Variants in PDIA6 observed in about 807,000 individuals in gnomAD.
PDIA6 encodes the protein protein disulfide isomerase family A member 6, also known as protein disulfide-isomerase A6.
PDIA6 carries 29 observed loss-of-function variants against 58.4 expected under a neutral mutation model. The ratio of observed to expected loss-of-function variants is 0.50; its 90% confidence interval spans 0.37 to 0.68. The LOEUF (loss-of-function observed/expected upper bound fraction) is 0.68, where lower values mean the gene tolerates loss of function less well. Among genes scored for constraint, PDIA6 ranks in the 30% least tolerant of loss-of-function variants. PDIA6 has a pLI of 0.00. For synonymous variants in PDIA6, 192 were observed against 202.6 expected (o/e 0.95, Z 0.44); for missense variants, 480 against 551.0 (o/e 0.87, Z 1.29).
chr2:10,813,002 C>T (rs1667076300), upstream of PDIA6, among the ~76,000 whole-genome samples: 1 of 151,964 alleles, frequency 6.6e-6, no homozygotes, highest in Non-Finnish European at 1.5e-5. Flanking sequence ...GGCTGGCAGT[C>T]TCGGCTCGCA....
chr2:10,820,278 G>C (rs1481932576), intron 1 of PDIA6, among the ~76,000 whole-genome samples: 1 of 152,158 alleles, frequency 6.6e-6, no homozygotes, highest in Non-Finnish European at 1.5e-5. Context: ...TGAGTCGCTG[G>C]GGAGGTGGTG....
chr2:10,797,172 C>A lies in PDIA6; in HGVS notation c.255G>T (p.Lys85Asn). The change falls in exon 4 of 13, where the codon AAG (lysine) becomes AAT (asparagine). Residue 85 changes from lysine (K) to asparagine (N), a missense_variant. Coordinates refer to ENST00000272227, the MANE Select transcript of PDIA6 (RefSeq NM_005742.4). ...CATACTGACCTCCTAGGGAATGATG[C>A]TTATCTGCATCAACTGCACCAACTT... ...VVKVGAVDADKHHSLGGQYGV... is the reference protein window; with the variant it reads ...VVKVGAVDADNHHSLGGQYGV... 1 of 1,612,094 alleles carries A rather than the reference C, an allele frequency of 6.2e-7. No homozygotes were observed. Among genetic ancestry groups the A allele is most frequent in the Non-Finnish European group, 8.5e-7 (1 of 1,179,074 alleles).
chr2:10,803,857 C>G (rs1666615214), intron 1 of PDIA6, among the ~76,000 whole-genome samples: 1 of 151,530 alleles, frequency 6.6e-6, no homozygotes. Context: ...GCCTTGATAA[C>G]TCTGACCCTG....
intron 1 of PDIA6, chr2:10,837,495 T>C: frequency 1.4e-6 from 1 of 702,628 alleles, no homozygotes; most frequent in Non-Finnish European, 2.6e-6. Flanking sequence ...CAGATGGTGA[T>C]TTAAGGAGCA....
upstream of PDIA6, among the ~76,000 whole-genome samples, chr2:10,817,298 G>A (rs997087902): frequency 2.0e-5 from 3 of 152,196 alleles, no homozygotes; most frequent in Admixed American, 6.5e-5. Flanking sequence ...TGATGGTGAC[G>A]CTGTTACAAC....
At chr2:10,833,365 G>A (rs919108486), upstream of PDIA6, among the ~76,000 whole-genome samples, 3 of 152,164 alleles carry the variant, frequency 2.0e-5, no homozygotes, top group Non-Finnish European at 4.4e-5. Flanking sequence ...CGATCAGCAG[G>A]CCTGGGAGGC....
chr2:10,784,286 A>T lies in PDIA6; in HGVS notation c.1295T>A (p.Leu432His). The T allele has an allele frequency of 6.2e-7, 1 of 1,613,454 alleles. No individual in the cohort carries two copies. The highest frequency in any genetic ancestry group is 1.1e-5 in the South Asian group (1 of 90,944). Residue 432 changes from leucine (L) to histidine (H), a missense_variant, in exon 13 of 13, where the codon CTT becomes CAT. Leu to His is a moderately conservative substitution (Grantham distance 99). Transcript: ENST00000272227. ...EDDIDLSDVELDDLGKDEL is the reference protein window; with the variant it reads ...EDDIDLSDVEHDDLGKDEL Reference sequence around the variant, plus strand: ...CAACTCATCTTTCCCTAAGTCATCAAGCTCCACATCACTGAGGTCAATGTC... The same window carrying T: ...CAACTCATCTTTCCCTAAGTCATCATGCTCCACATCACTGAGGTCAATGTC...
intron 1 of PDIA6, among the ~76,000 whole-genome samples, chr2:10,819,525 G>C (rs1423811547): frequency 6.6e-6 from 1 of 152,216 alleles, no homozygotes; most frequent in Admixed American, 6.5e-5. Flanking sequence ...AAAAAGCACA[G>C]ACTGTTATAA....
intron 1 of PDIA6, among the ~76,000 whole-genome samples, chr2:10,825,150 G>A (rs1667514861): frequency 6.6e-6 from 1 of 152,166 alleles, no homozygotes; most frequent in Admixed American, 6.5e-5. Flanking sequence ...AAGTTCTTCA[G>A]TTTTGGGACT....
rs1665946349 is a variant in PDIA6, at chr2:10,789,757, G to A, written c.832C>T (p.Leu278=). ...LFSDNAPPPE[L]LEIINEDIAK... is the part of the protein sequence containing the mutation. ...CAGTTGAAGTGGTTTACCTCAAGCA[G>A]CTCAGGAGGTGGGGCGTTATCAGAA... The change falls in exon 8 of 13, where the codon CTG becomes TTG. Residue 278 remains leucine, a synonymous_variant. Coordinates refer to ENST00000272227, the MANE Select transcript of PDIA6 (RefSeq NM_005742.4). 1.2e-6 allele frequency: 2 copies of A among 1,613,662 alleles called. No individual in the cohort carries two copies. The highest frequency in any genetic ancestry group is 2.2e-5 in the South Asian group (2 of 91,044).
At chr2:10,826,018 A>G (rs1667546563) in intron 1 of PDIA6, among the ~76,000 whole-genome samples, 1 of 152,256 alleles carries the variant, frequency 6.6e-6, no homozygotes, top group African/African-American at 2.4e-5. Context: ...AAACACATAC[A>G]GGTATGTTTT....
chr2:10,825,483 G>A (rs1416137922), intron 1 of PDIA6, among the ~76,000 whole-genome samples: 1 of 152,132 alleles, frequency 6.6e-6, no homozygotes, highest in East Asian at 1.9e-4. Context: ...TAGACAATTT[G>A]GAATTCATCA....
chr2:10,791,612 T>C (rs1167111494), intron 6 of PDIA6, among the ~76,000 whole-genome samples, 183 bp downstream of exon 6: 1 of 152,240 alleles, frequency 6.6e-6, no homozygotes, highest in East Asian at 1.9e-4. Flanking sequence ...TTGTTAATCT[T>C]TGGCAATAGG....
intron 1 of PDIA6, 143 bp downstream of exon 1, chr2:10,812,535 C>T (rs997707788): frequency 3.6e-6 from 3 of 828,852 alleles, no homozygotes; most frequent in African/African-American, 3.6e-5. Context: ...GCAGCTCCTC[C>T]GGACGCCGAG....
intron 2 of PDIA6, among the ~76,000 whole-genome samples, chr2:10,801,112 C>G (rs1379008334): frequency 1.3e-5 from 2 of 152,088 alleles, no homozygotes; most frequent in Non-Finnish European, 2.9e-5. Flanking sequence ...AATTCCGTCT[C>G]TATAAAAAAT....
intron 4 of PDIA6, among the ~76,000 whole-genome samples, chr2:10,796,698 C>CAG (rs10630478): frequency 0.49 from 74,147 of 151,744 alleles, 19,603 homozygotes; most frequent in Middle Eastern, 0.59. Context: ...TCTCAAATTA[C>CAG]AGTCTCCTTT....
chr2:10,815,284 C>T (rs79309479), upstream of PDIA6, among the ~76,000 whole-genome samples: 71 of 152,024 alleles, frequency 4.7e-4, 1 homozygote, highest in African/African-American at 1.7e-3. Context: ...CCTAATTATA[C>T]GAGCAACTGT....
chr2:10,831,485 C>T (rs1198377305), intron 1 of PDIA6, among the ~76,000 whole-genome samples: 1 of 152,176 alleles, frequency 6.6e-6, no homozygotes, highest in Admixed American at 6.5e-5. Flanking sequence ...CTGCGTTTCA[C>T]CCGGCAGCCC....
intron 1 of PDIA6, among the ~76,000 whole-genome samples, chr2:10,830,839 C>T (rs933647496): frequency 3.9e-5 from 6 of 152,224 alleles, no homozygotes; most frequent in Non-Finnish European, 8.8e-5. Flanking sequence ...CCTGGTGCCA[C>T]CCCCGCCGGC....
Sources: allele counts gnomAD v4.1 joint callset (sites outside exome capture counted in the v4.1 genomes callset), GRCh38; gene constraint gnomAD v4.1.1; transcripts MANE v1.5; gene names NCBI Gene and HGNC (gene_info 2026-07-23, HGNC 2026-07-21).